Variants in INPP4B observed in about 807,000 individuals in gnomAD.
The protein encoded by INPP4B is inositol polyphosphate 4-phosphatase type II.
INPP4B carries 55 observed loss-of-function variants against 122.5 expected under a neutral mutation model. The ratio of observed to expected loss-of-function variants is 0.45; its 90% CI spans 0.36 to 0.56. The LOEUF (loss-of-function observed/expected upper bound fraction) is 0.56, where lower values mean the gene tolerates loss of function less well. Among genes scored for constraint, INPP4B ranks in the 20% least tolerant of loss-of-function variants. INPP4B has a pLI of 0.00. For missense variants in INPP4B, 1,000 were observed against 1,097.7 expected, an observed-to-expected ratio of 0.91 and a Z score of 1.26; for synonymous variants, 403 against 388.7, an observed-to-expected ratio of 1.04 and a Z score of -0.43.
intron 7 of INPP4B, among the ~76,000 whole-genome samples, chr4:142,344,499 T>C (rs574775480): frequency 1.3e-5 from 2 of 152,114 alleles, no homozygotes; most frequent in South Asian, 2.1e-4. Context: ...TATACTCCTA[T>C]AAGGTGTAAA....
At chr4:142,686,168 A>G (rs1004897860) in intron 2 of INPP4B, among the ~76,000 whole-genome samples, 20 of 152,146 alleles carry the variant, frequency 1.3e-4, no homozygotes, top group Admixed American at 1.2e-3. Flanking sequence ...CTAGAATGTT[A>G]GAATTCAAGA....
At chr4:142,837,362 A>G (rs1449108777) in intron 1 of INPP4B, among the ~76,000 whole-genome samples, 1 of 152,160 alleles carries the variant, frequency 6.6e-6, no homozygotes, top group Non-Finnish European at 1.5e-5. Context: ...GTCTTGTTAC[A>G]TGGATATATT....
chr4:142,181,273 T>A (rs1250474889), intron 15 of INPP4B, among the ~76,000 whole-genome samples: 1 of 152,184 alleles, frequency 6.6e-6, no homozygotes, highest in Admixed American at 6.5e-5. Flanking sequence ...TGCATCCAAC[T>A]GTTCTAGGTA....
intron 7 of INPP4B, among the ~76,000 whole-genome samples, chr4:142,358,144 C>T (rs1425694995): frequency 1.3e-5 from 2 of 151,736 alleles, no homozygotes; most frequent in Non-Finnish European, 2.9e-5. Flanking sequence ...TTTAATGAAC[C>T]TTTAGTTTTC....
At chr4:142,585,303 C>G (rs533586435) in intron 2 of INPP4B, among the ~76,000 whole-genome samples, 1 of 152,270 alleles carries the variant, frequency 6.6e-6, no homozygotes, top group East Asian at 1.9e-4. Context: ...ATGATTCTAT[C>G]TTGGCTGTCA....
At chr4:142,072,556 T>A (rs1768130810) in intron 25 of INPP4B, among the ~76,000 whole-genome samples, 1 of 151,052 alleles carries the variant, frequency 6.6e-6, no homozygotes, top group South Asian at 2.1e-4. Flanking sequence ...TTTTTTTTTT[T>A]ACCTTTCCTC....
At chr4:142,731,514 T>C (rs1344903959) in intron 1 of INPP4B, among the ~76,000 whole-genome samples, 1 of 152,152 alleles carries the variant, frequency 6.6e-6, no homozygotes, top group Non-Finnish European at 1.5e-5. Context: ...TCCATTACAA[T>C]ATTAGAATTC....
In INPP4B at chr4:142,485,230, G is replaced by A. The variant is rs1203549690; in HGVS notation, c.-190-22504C>T. 1.3e-4 allele frequency among the ~76,000 whole-genome samples: 20 copies of A among 152,196 alleles called. No homozygotes were observed. In the South Asian group the frequency reaches 4.1e-3, roughly 32 times the overall value. On this transcript the variant is annotated intron_variant, in intron 2 of 25. Transcript: ENST00000262992. ...AACAAAGCAATCAGAATCCAGCATA[G>A]TCTCAATCTTCATTTAAACCTTTTT...
At chr4:142,786,528 T>C (rs1252831666) in intron 1 of INPP4B, among the ~76,000 whole-genome samples, 2 of 152,054 alleles carry the variant, frequency 1.3e-5, no homozygotes, top group African/African-American at 2.4e-5. Flanking sequence ...AATTCCCTGC[T>C]CCTTAACTGT....
intron 2 of INPP4B, among the ~76,000 whole-genome samples, chr4:142,543,510 A>G (rs964200558): frequency 3.3e-5 from 5 of 152,198 alleles, no homozygotes; most frequent in Non-Finnish European, 7.3e-5. Flanking sequence ...GTAAAATTTC[A>G]AACTGTGTAG....
At chr4:142,548,745 GTGTC>G (rs1446079329) in intron 2 of INPP4B, among the ~76,000 whole-genome samples, 1 of 115,216 alleles carries the variant, frequency 8.7e-6, no homozygotes. Context: ...GCATACAGAT[GTGTC>G]TGTGTGTGTG....
At chr4:142,032,293 G>A (rs1264296662) in intron 25 of INPP4B, among the ~76,000 whole-genome samples, 1 of 152,134 alleles carries the variant, frequency 6.6e-6, no homozygotes, top group East Asian at 1.9e-4. Flanking sequence ...GAGAGGTAGG[G>A]AGGGAAGTGA....
rs1358540340 is a variant in INPP4B at position 142,571,115 on chromosome 4, T to G, written c.-190-108389A>C. Among the ~76,000 whole-genome samples the G allele has an allele frequency of 1.7e-4, 25 of 144,670 alleles. No individual in the cohort carries two copies. The Admixed American group carries it at 1.7e-3, about 10-fold the overall frequency. The allele number at this position is 144,670 out of a possible 152,430, so 94.9% of individuals were successfully genotyped here. A position where few individuals can be genotyped will look rare whatever the true frequency, so the allele number is the denominator to read the frequency against. ...AAAAAAAAAAAAAAAAAAAAGAGCA[T>G]GGAGTGGGGCAGAAGGTGAAGAGGA... On this transcript the variant is annotated intron_variant, in intron 2 of 25. Coordinates refer to ENST00000262992, the MANE Select transcript of INPP4B (RefSeq NM_001101669.3).
intron 9 of INPP4B, among the ~76,000 whole-genome samples, chr4:142,302,783 G>A (rs960882393): frequency 2.6e-5 from 4 of 151,978 alleles, no homozygotes; most frequent in African/African-American, 9.7e-5. Context: ...AACAAAAACA[G>A]AAAATATAAT....
At chr4:142,734,451 A>G (rs1766530949) in intron 1 of INPP4B, among the ~76,000 whole-genome samples, 1 of 152,176 alleles carries the variant, frequency 6.6e-6, no homozygotes, top group Admixed American at 6.5e-5. Flanking sequence ...ACATGAGGAG[A>G]GTCTCTGGTG....
intron 2 of INPP4B, among the ~76,000 whole-genome samples, chr4:142,540,679 C>T (rs976303528): frequency 7.9e-5 from 12 of 152,008 alleles, no homozygotes; most frequent in Admixed American, 3.9e-4. Context: ...TGTTGTGCTA[C>T]GAATATTCTA....
chr4:142,040,865 C>G (rs972466031), intron 25 of INPP4B, among the ~76,000 whole-genome samples: 5 of 152,122 alleles, frequency 3.3e-5, no homozygotes, highest in African/African-American at 1.2e-4. Flanking sequence ...CTCCTGGAGT[C>G]TGGGATAACT....
At chr4:142,068,591 C>A (rs1387474526) in intron 25 of INPP4B, among the ~76,000 whole-genome samples, 7 of 152,122 alleles carry the variant, frequency 4.6e-5, no homozygotes, top group African/African-American at 1.7e-4. Context: ...AGACCCATCT[C>A]ACGTGCAGAG....
intron 2 of INPP4B, among the ~76,000 whole-genome samples, chr4:142,531,098 G>A (rs986870740): frequency 6.6e-6 from 1 of 152,100 alleles, no homozygotes; most frequent in Non-Finnish European, 1.5e-5. Context: ...AGGAGCAGAT[G>A]TTGGTTTGGA....
Sources: allele counts gnomAD v4.1 joint callset (sites outside exome capture counted in the v4.1 genomes callset), GRCh38; gene constraint gnomAD v4.1.1; transcripts MANE v1.5; gene names NCBI Gene and HGNC (gene_info 2026-07-23, HGNC 2026-07-21).